Variants in GUCY2F observed in about 807,000 individuals in gnomAD.
The protein encoded by GUCY2F is guanylate cyclase 2F, retinal.
GUCY2F carries 61 observed loss-of-function variants against 73.1 expected under a neutral mutation model. The observed-to-expected ratio is 0.83, with a 90% CI of 0.68 to 1.03. GUCY2F has a LOEUF of 1.03. Among genes scored for constraint, GUCY2F ranks in the 50% least tolerant of loss-of-function variants. The probability of loss-of-function intolerance (pLI) is 0.00; values close to 1 mark genes in which losing one functional copy is unlikely to be tolerated. For synonymous variants in GUCY2F, 331 were observed against 307.8 expected, an observed-to-expected ratio of 1.08 and a Z score of -0.79; for missense variants, 912 against 854.3, an observed-to-expected ratio of 1.07 and a Z score of -0.84.
intron 7 of GUCY2F, among the ~76,000 whole-genome samples, chrX:109,432,101 C>G (rs1378468758): frequency 9.0e-6 from 1 of 111,139 alleles, no homozygotes; most frequent in East Asian, 2.8e-4. Context: ...AATTCTCAAG[C>G]CCCACCCAAC....
Position 109,461,589 on chromosome X carries a change from A to G in GUCY2F, c.1032+3553T>C, listed in dbSNP as rs1360495921. ...TCTCTCTCACTAAAATCTAAGGTCT[A>G]TAAGGGTGGCAATGAGTGATGTGCT... On this transcript the variant is annotated intron_variant, in intron 3 of 19. Coordinates refer to ENST00000218006, the MANE Select transcript of GUCY2F (RefSeq NM_001522.3). Among the ~76,000 whole-genome samples the G allele has an allele frequency of 2.7e-5, 3 of 111,955 alleles. No individual in the cohort carries two copies. The East Asian group carries it at 8.4e-4, about 31-fold the overall frequency.
chrX:109,381,964 C>G (rs1270159221), intron 17 of GUCY2F, among the ~76,000 whole-genome samples, 154 bp downstream of exon 17: 1 of 112,594 alleles, frequency 8.9e-6, no homozygotes, highest in African/African-American at 3.2e-5. Flanking sequence ...CAAAATGGAG[C>G]AATCTTTTGG....
intron 19 of GUCY2F, among the ~76,000 whole-genome samples, chrX:109,373,354 G>C (rs1215428119): frequency 9.0e-6 from 1 of 111,529 alleles, no homozygotes; most frequent in African/African-American, 3.3e-5. Flanking sequence ...TGGTGGTCAG[G>C]TTTCTAGCCA....
chrX:109,395,032 C>T (rs1182361890), intron 12 of GUCY2F, among the ~76,000 whole-genome samples: 1 of 112,020 alleles, frequency 8.9e-6, no homozygotes, highest in African/African-American at 3.2e-5. Context: ...AATGCCATTG[C>T]CTTACAAATG....
In GUCY2F at chrX:109,452,119, G is replaced by A. The variant is rs1475712891; in HGVS notation, c.1388-12C>T. The stretch of plus-strand genomic sequence containing the variant: ...GGCAGGGTCGATGCCTGCAGAGAGT[G>A]AGAGGAAGAGGAAGAATGGCATTAT... On this transcript the variant is annotated splice_polypyrimidine_tract_variant and intron_variant, in intron 4 of 19. Coordinates refer to ENST00000218006, the MANE Select transcript of GUCY2F (RefSeq NM_001522.3). The A allele has an allele frequency of 1.1e-6, 1 of 951,514 alleles. No individual in the cohort carries two copies. Among genetic ancestry groups the A allele is most frequent in the Non-Finnish European group, 1.5e-6 (1 of 658,587 alleles). The allele number at this position is 951,514 out of a possible 1,213,427, so 78.4% of individuals were successfully genotyped here. A position where few individuals can be genotyped will look rare whatever the true frequency, so the allele number is the denominator to read the frequency against.
At chrX:109,474,241 T>G (rs1932633829) in intron 2 of GUCY2F, among the ~76,000 whole-genome samples, 1 of 112,153 alleles carries the variant, frequency 8.9e-6, no homozygotes, top group Admixed American at 9.4e-5. Context: ...AGGAATCAGT[T>G]TGTCAAATAG....
intron 10 of GUCY2F, among the ~76,000 whole-genome samples, chrX:109,403,169 C>T (rs750397182): frequency 9.0e-6 from 1 of 110,822 alleles, no homozygotes; most frequent in South Asian, 3.9e-4. Context: ...CATATTTGTT[C>T]TCTTTCTTTT....
At chrX:109,426,536 C>T (rs184591144) in intron 8 of GUCY2F, among the ~76,000 whole-genome samples, 283 of 111,823 alleles carry the variant, frequency 2.5e-3, no homozygotes, top group Non-Finnish European at 4.8e-3. Context: ...CTACAGGCAC[C>T]GGCCACCACG....
intron 8 of GUCY2F, among the ~76,000 whole-genome samples, chrX:109,427,931 T>C (rs1461083295): frequency 8.9e-6 from 1 of 112,222 alleles, no homozygotes; most frequent in Non-Finnish European, 1.9e-5. Context: ...GAGTTTAGTA[T>C]GAATTTATGG....
rs769949009 is a variant in GUCY2F, at chrX:109,475,273, T to C, written c.664A>G (p.Thr222Ala). ...HGLPVGVVLT[T>A]GQDSQSMRKA... is the part of the protein sequence containing the mutation. The stretch of plus-strand genomic sequence containing the variant: ...CGCATGCTTTGGCTGTCTTGTCCTG[T>C]GGTCAGGACGACCCCTACAGGTAAG... Residue 222 changes from threonine to alanine, a missense_variant, in exon 2 of 20, where the codon ACA becomes GCA. Physicochemically the swap from Thr to Ala is moderately conservative, Grantham distance 58. Coordinates refer to ENST00000218006, the MANE Select transcript of GUCY2F (RefSeq NM_001522.3). 8.3e-7 allele frequency: 1 copy of C among 1,209,107 alleles called. No homozygotes were observed. The highest frequency in any genetic ancestry group is 1.1e-6 in the Non-Finnish European group (1 of 893,027).
chrX:109,415,717 C>A (rs1462715457), intron 8 of GUCY2F, among the ~76,000 whole-genome samples: 2 of 112,187 alleles, frequency 1.8e-5, no homozygotes, highest in African/African-American at 6.5e-5. Context: ...TTCAATCCTG[C>A]TCAATCTTTG....
At chrX:109,480,952 G>A (rs1194841839) in intron 1 of GUCY2F, among the ~76,000 whole-genome samples, 2 of 101,182 alleles carry the variant, frequency 2.0e-5, no homozygotes, top group South Asian at 4.8e-4. Flanking sequence ...AGAGAAGGAA[G>A]GAAAAGAGGA....
At chrX:109,473,567 C>A (rs1231583973) in intron 2 of GUCY2F, among the ~76,000 whole-genome samples, 1 of 111,235 alleles carries the variant, frequency 9.0e-6, no homozygotes, top group Non-Finnish European at 1.9e-5. Context: ...GTAATTCTAG[C>A]ATGCAGCCAC....
At chrX:109,444,121 A>C (rs1931941190) in intron 6 of GUCY2F, among the ~76,000 whole-genome samples, 1 of 111,763 alleles carries the variant, frequency 8.9e-6, no homozygotes, top group African/African-American at 3.3e-5. Flanking sequence ...AATATCAACA[A>C]ATTTTTATGT....
At chrX:109,465,061 T>G in intron 3 of GUCY2F, 81 bp downstream of exon 3, 1 of 727,121 alleles carries the variant, frequency 1.4e-6, no homozygotes, top group Non-Finnish European at 2.1e-6. Flanking sequence ...CCTATGGAAT[T>G]GAGACTGTTG....
intron 19 of GUCY2F, among the ~76,000 whole-genome samples, chrX:109,373,484 G>C (rs1569352100): frequency 9.0e-6 from 1 of 111,549 alleles, no homozygotes; most frequent in East Asian, 2.9e-4. Context: ...GTCCAATAAA[G>C]ACTCAAAAGG....
chrX:109,446,271 C>T (rs1369950748), intron 6 of GUCY2F, among the ~76,000 whole-genome samples: 5 of 111,913 alleles, frequency 4.5e-5, no homozygotes, highest in Non-Finnish European at 9.4e-5. Context: ...TTGGAAAAAA[C>T]TACTTTAAAG....
intron 7 of GUCY2F, among the ~76,000 whole-genome samples, chrX:109,437,222 C>A (rs1931772809): frequency 9.0e-6 from 1 of 111,668 alleles, no homozygotes; most frequent in Non-Finnish European, 1.9e-5. Context: ...ACCCTGCCAT[C>A]AGCCTAATAT....
At chrX:109,414,003 G>A (rs935503214) in intron 8 of GUCY2F, among the ~76,000 whole-genome samples, 1 of 109,587 alleles carries the variant, frequency 9.1e-6, no homozygotes, top group Non-Finnish European at 1.9e-5. Flanking sequence ...CTAGGCTGGA[G>A]TGCAGTGGCG....
Sources: allele counts gnomAD v4.1 joint callset (sites outside exome capture counted in the v4.1 genomes callset), GRCh38; gene constraint gnomAD v4.1.1; transcripts MANE v1.5; gene names NCBI Gene and HGNC (gene_info 2026-07-23, HGNC 2026-07-21).